The following SLC25A12 variants were observed in gnomAD, a reference collection of about 807,000 sequenced individuals.
The protein encoded by SLC25A12 is electrogenic aspartate/glutamate antiporter SLC25A12, mitochondrial.
In SLC25A12, 32 loss-of-function variants were observed where a neutral mutation model predicts 83.3. The ratio of observed to expected loss-of-function variants is 0.38; its 90% CI spans 0.29 to 0.52. The LOEUF is 0.52. SLC25A12 is among the 20% of genes least tolerant of loss of function. SLC25A12 has a pLI of 0.84. For synonymous variants in SLC25A12, 267 were observed against 291.1 expected (o/e 0.92, Z 0.84); for missense variants, 611 against 835.6 (o/e 0.73, Z 3.31).
intron 5 of SLC25A12, among the ~76,000 whole-genome samples, chr2:171,842,984 C>T (rs1419759438): frequency 1.3e-5 from 2 of 152,056 alleles, no homozygotes; most frequent in Non-Finnish European, 2.9e-5. Flanking sequence ...CCTCGCCTGG[C>T]TAATTTTTGT....
At chr2:171,865,787 G>A (rs1039889220) in intron 3 of SLC25A12, among the ~76,000 whole-genome samples, 3 of 151,922 alleles carry the variant, frequency 2.0e-5, no homozygotes, top group African/African-American at 4.8e-5. Context: ...CCTATAAAGT[G>A]GAATACTTGC....
At chr2:171,892,069 G>C (rs1156332305) in intron 2 of SLC25A12, among the ~76,000 whole-genome samples, 1 of 152,222 alleles carries the variant, frequency 6.6e-6, no homozygotes, top group Non-Finnish European at 1.5e-5. Context: ...GAACCTTGGA[G>C]ATCACCTCTC....
chr2:171,788,357 ATC>A (rs1690529523), intron 15 of SLC25A12: 1 of 215,790 alleles, frequency 4.6e-6, no homozygotes, highest in African/African-American at 2.4e-5. Context: ...CACTAAATGT[ATC>A]TGACACCAAA....
intron 7 of SLC25A12, 53 bp downstream of exon 7, chr2:171,834,674 G>A (rs970952744): frequency 1.9e-6 from 3 of 1,584,620 alleles, no homozygotes; most frequent in African/African-American, 1.3e-5. Flanking sequence ...ATGCCTCAGT[G>A]AAGAAAAGTG....
At position 171,873,575 on chromosome 2, in the gene SLC25A12, T is replaced by C. The variant is rs890492758; in HGVS notation, c.67-4752A>G. Among the ~76,000 whole-genome samples, 3 of 152,308 alleles carry C rather than the reference T, an allele frequency of 2.0e-5. No individual in the cohort carries two copies. In the East Asian group the frequency reaches 5.8e-4, roughly 29 times the overall value. On this transcript the variant is annotated intron_variant, in intron 2 of 17. Coordinates refer to ENST00000422440, the MANE Select transcript of SLC25A12 (RefSeq NM_003705.5). ...TGGTTTTTTATTATTTTAATAGTAT[T>C]ACATTCATACCATTCAAAATTCAGA...
rs1298736571 is a variant in SLC25A12 at position 171,809,681 on chromosome 2, A to G, written c.1230T>C (p.Asn410=). The G allele has an allele frequency of 3.7e-6, 6 of 1,612,716 alleles. No homozygotes were observed. Among genetic ancestry groups the G allele is most frequent in the Admixed American group, 1.7e-5 (1 of 60,004 alleles). The change falls in exon 13 of 18, where the codon AAT becomes AAC. Residue 410 remains asparagine, a synonymous_variant. Transcript: ENST00000422440. The part of the protein sequence containing the change: ...APEKAIKLTV[N]DFVRDKFTRR... Reference sequence around the variant, plus strand: ...TGGTAAATTTGTCCCGAACAAAATCATTAACCTAATTAGAAAGACAACATC... The same window carrying G: ...TGGTAAATTTGTCCCGAACAAAATCGTTAACCTAATTAGAAAGACAACATC...
At chr2:171,828,088 T>C (rs183332153) in intron 8 of SLC25A12, among the ~76,000 whole-genome samples, 140 of 152,290 alleles carry the variant, frequency 9.2e-4, no homozygotes, top group South Asian at 1.7e-3. Context: ...CTGACCACCA[T>C]TGCCTGGTTT....
rs868720139 is a variant in SLC25A12 at position 171,867,186 on chromosome 2, C to T, written c.209+1495G>A. ...GCAGAGGGGCTCCTCACGTCCCAGA[C>T]GATGGGCGGCCAGGCAGAGACGCTC... On this transcript the variant is annotated intron_variant, in intron 3 of 17. Transcript: ENST00000422440. Among the ~76,000 whole-genome samples, 280 of 140,164 alleles carry T rather than the reference C, an allele frequency of 2.0e-3. 1 individual carries two copies. Among genetic ancestry groups the T allele is most frequent in the African/African-American group, 7.2e-3 (266 of 36,812 alleles). The allele number at this position is 140,164 out of a possible 152,430, so 92.0% of individuals were successfully genotyped here.
At chr2:171,880,387 A>T (rs1290687118) in intron 2 of SLC25A12, among the ~76,000 whole-genome samples, 2 of 152,104 alleles carry the variant, frequency 1.3e-5, no homozygotes, top group East Asian at 3.8e-4. Context: ...GGTTCAAGTG[A>T]TTCTCCTGCC....
At chr2:171,888,762 G>A (rs1205158671) in intron 2 of SLC25A12, among the ~76,000 whole-genome samples, 1 of 152,030 alleles carries the variant, frequency 6.6e-6, no homozygotes, top group East Asian at 1.9e-4. Context: ...TTTTACAAAT[G>A]ACTTTTGACC....
chr2:171,800,613 C>T (rs1574680582), intron 13 of SLC25A12, among the ~76,000 whole-genome samples: 1 of 152,244 alleles, frequency 6.6e-6, no homozygotes, highest in East Asian at 1.9e-4. Context: ...CTATTCTATT[C>T]TTAGATACCC....
intron 3 of SLC25A12, among the ~76,000 whole-genome samples, chr2:171,856,929 T>C (rs1419668252): frequency 2.0e-5 from 3 of 152,246 alleles, no homozygotes; most frequent in African/African-American, 7.2e-5. Context: ...ATACATCATC[T>C]AGAGTTTGCT....
At chr2:171,844,943 G>A (rs1381708708) in intron 4 of SLC25A12, among the ~76,000 whole-genome samples, 1 of 152,074 alleles carries the variant, frequency 6.6e-6, no homozygotes, top group Admixed American at 6.6e-5. Context: ...GTTTGATTGA[G>A]GCTTGATTAT....
chr2:171,863,084 G>A (rs1466941760), intron 3 of SLC25A12, among the ~76,000 whole-genome samples: 1 of 152,032 alleles, frequency 6.6e-6, no homozygotes, highest in East Asian at 1.9e-4. Context: ...CTTTAATTGT[G>A]TAGAGATGGG....
Position 171,844,419 on chromosome 2 carries a change from G to A in SLC25A12, c.415C>T (p.His139Tyr). 1 of 1,613,954 alleles carries A rather than the reference G, an allele frequency of 6.2e-7. No individual in the cohort carries two copies. The highest frequency in any genetic ancestry group is 8.5e-7 in the Non-Finnish European group (1 of 1,179,880). ...TAGTTAAGATGCTTCTTCCGGTTAT[G>A]CCCAAAATGCAGTCGGATAAATTCA... ...DCEFIRLHFG[H>Y]NRKKHLNYTE... The change falls in exon 5 of 18, where the codon CAT becomes TAT. Residue 139 changes from histidine (H) to tyrosine (Y), a missense_variant. Coordinates refer to ENST00000422440, the MANE Select transcript of SLC25A12 (RefSeq NM_003705.5).
intron 15 of SLC25A12, chr2:171,788,895 A>G (rs1690539252): frequency 6.6e-6 from 1 of 152,260 alleles, no homozygotes; most frequent in African/African-American, 2.4e-5. Context: ...TCCTGCTAGC[A>G]AAGCTTGACT....
At chr2:171,878,065 A>T (rs1237615388) in intron 2 of SLC25A12, among the ~76,000 whole-genome samples, 2 of 152,202 alleles carry the variant, frequency 1.3e-5, no homozygotes. Flanking sequence ...GCTGAGATCA[A>T]ATCTTTCAGG....
At chr2:171,857,375 A>G (rs914598282) in intron 3 of SLC25A12, among the ~76,000 whole-genome samples, 1 of 150,400 alleles carries the variant, frequency 6.6e-6, no homozygotes, top group African/African-American at 2.4e-5. Context: ...GTCTCAATAA[A>G]TAATTAAATT....
rs762052712 is a variant in SLC25A12, at chr2:171,833,945, A to T, written c.845+18T>A. ...CTACTCTATAATAAATATCATGAAGAATTATTGAAATACTTACCCTGAAGC... is the reference window on the plus strand; with the variant it reads ...CTACTCTATAATAAATATCATGAAGTATTATTGAAATACTTACCCTGAAGC... On this transcript the variant is annotated intron_variant, in intron 8 of 17. Transcript: ENST00000422440. 4.4e-6 allele frequency: 6 copies of T among 1,354,760 alleles called. No homozygotes were observed. In the East Asian group the frequency reaches 1.4e-4, roughly 31 times the overall value. The allele number at this position is 1,354,760 out of a possible 1,614,324, so 83.9% of individuals were successfully genotyped here.
Sources: gnomAD v4.1 joint callset for allele counts (sites outside exome capture counted in the v4.1 genomes callset) on GRCh38, gnomAD v4.1.1 for gene constraint, MANE v1.5 for transcripts, NCBI Gene and HGNC (gene_info 2026-07-23, HGNC 2026-07-21) for gene names.